The following PDC variants were observed in gnomAD, a reference collection of about 807,000 sequenced individuals.
The protein encoded by PDC is phosducin.
Under a neutral mutation model 22.2 loss-of-function variants are expected in PDC, and 19 were observed. The ratio of observed to expected loss-of-function variants is 0.86; its 90% confidence interval spans 0.60 to 1.26. PDC has a LOEUF of 1.26. Among genes scored for constraint, PDC ranks in the 50% most tolerant of loss-of-function variants. The probability of loss-of-function intolerance (pLI) is 0.00; values close to 1 mark genes in which losing one functional copy is unlikely to be tolerated. For missense variants in PDC, 274 were observed against 286.8 expected (o/e 0.96, Z 0.32); for synonymous variants, 97 against 96.2 (o/e 1.01, Z -0.05).
chr1:186,450,511 A>T (rs191743391), intron 1 of PDC, among the ~76,000 whole-genome samples: 1 of 151,798 alleles, frequency 6.6e-6, no homozygotes, highest in Admixed American at 6.6e-5. Flanking sequence ...CGCCCTGCTA[A>T]TGTTTTTTTT....
At chr1:186,457,456 T>C (rs978140824) in intron 1 of PDC, among the ~76,000 whole-genome samples, 9 of 152,232 alleles carry the variant, frequency 5.9e-5, no homozygotes, top group East Asian at 3.8e-4. Context: ...TTAATTTGAA[T>C]GTAGCATACT....
intron 1 of PDC, among the ~76,000 whole-genome samples, chr1:186,453,092 T>G (rs1043427707): frequency 1.3e-5 from 2 of 152,168 alleles, no homozygotes; most frequent in African/African-American, 4.8e-5. Flanking sequence ...TAAAATAGAA[T>G]TTTACCAAGT....
chr1:186,448,391 G>C (rs1439299146), intron 2 of PDC, among the ~76,000 whole-genome samples: 2 of 151,800 alleles, frequency 1.3e-5, no homozygotes, highest in South Asian at 2.1e-4. Flanking sequence ...GTTCTATTTG[G>C]TAATTAGTTT....
At chr1:186,460,008 TTC>T (rs745866673) in intron 1 of PDC, among the ~76,000 whole-genome samples, 2 of 151,770 alleles carry the variant, frequency 1.3e-5, no homozygotes, top group Admixed American at 1.3e-4. Flanking sequence ...AAAACATTAT[TTC>T]TGTTTCATTA....
At chr1:186,455,547 A>G (rs1418913611) in intron 1 of PDC, among the ~76,000 whole-genome samples, 2 of 152,050 alleles carry the variant, frequency 1.3e-5, no homozygotes, top group Admixed American at 6.5e-5. Flanking sequence ...ACCCTTTAAA[A>G]TTGCAGTTAG....
intron 1 of PDC, among the ~76,000 whole-genome samples, chr1:186,453,997 T>A (rs1432832929): frequency 4.6e-5 from 7 of 152,082 alleles, no homozygotes; most frequent in Non-Finnish European, 4.4e-5. Context: ...CGACCTAATT[T>A]TTTTGTATAT....
intron 1 of PDC, chr1:186,451,269 G>C (rs982922065): frequency 1.9e-4 from 29 of 152,130 alleles, no homozygotes; most frequent in Non-Finnish European, 3.4e-4. Flanking sequence ...ATTTCACAAT[G>C]TTTAGGTAAG....
chr1:186,447,114 G>A (rs1662248758), intron 2 of PDC, among the ~76,000 whole-genome samples: 1 of 151,850 alleles, frequency 6.6e-6, no homozygotes, highest in Non-Finnish European at 1.5e-5. Flanking sequence ...TAAGATTCTA[G>A]GCATATTTTG....
chr1:186,454,298 C>T (rs371425596), intron 1 of PDC, among the ~76,000 whole-genome samples: 15 of 151,518 alleles, frequency 9.9e-5, no homozygotes, highest in East Asian at 7.8e-4. Context: ...CCTGCCTCAG[C>T]CTCCCAAGTA....
chr1:186,458,226 CTTTTTTTT>C (rs1157926478), intron 1 of PDC, among the ~76,000 whole-genome samples: 92 of 88,406 alleles, frequency 1.0e-3, no homozygotes, highest in African/African-American at 4.1e-3. Context: ...TACAGATATT[CTTTTTTTT>C]TTTTTTTTTT....
At chr1:186,449,669 A>G (rs1418924860) in intron 1 of PDC, among the ~76,000 whole-genome samples, 186 bp from the exon 2 acceptor site, 1 of 152,190 alleles carries the variant, frequency 6.6e-6, no homozygotes, top group Non-Finnish European at 1.5e-5. Flanking sequence ...TCTGTCCGCA[A>G]TGTAAAAGGA....
At chr1:186,458,363 T>C (rs998709190) in intron 1 of PDC, among the ~76,000 whole-genome samples, 7 of 149,742 alleles carry the variant, frequency 4.7e-5, no homozygotes, top group Non-Finnish European at 7.4e-5. Flanking sequence ...AGAGAAAAAG[T>C]CTTGGTCATG....
At position 186,448,456 on chromosome 1, in the gene PDC, C is replaced by G. The variant is rs553322721; in HGVS notation, c.61+943G>C. On this transcript the variant is annotated intron_variant, in intron 2 of 3. Coordinates refer to ENST00000391997, the MANE Select transcript of PDC (RefSeq NM_002597.5). ...ATATATATTAGGAAACTGACACTGT[C>G]AACTGAGTTGCAAATGTTTTTCCCC... Among the ~76,000 whole-genome samples, 4 of 152,240 alleles carry G rather than the reference C, an allele frequency of 2.6e-5. No individual in the cohort carries two copies. The East Asian group carries it at 7.7e-4, about 29-fold the overall frequency.
intron 1 of PDC, among the ~76,000 whole-genome samples, chr1:186,455,732 C>T (rs565881065): frequency 8.7e-4 from 121 of 139,146 alleles, no homozygotes; most frequent in African/African-American, 3.2e-3. Flanking sequence ...GAGGCCGAGG[C>T]GGGCGGATCA....
chr1:186,459,951 T>C (rs554999724), intron 1 of PDC, among the ~76,000 whole-genome samples: 1 of 151,272 alleles, frequency 6.6e-6, no homozygotes, highest in South Asian at 2.1e-4. Flanking sequence ...AAGAAAATTT[T>C]CACTGAATTT....
Position 186,443,884 on chromosome 1 carries a change from G to T in PDC, c.*95C>A. Reference sequence around the variant, plus strand: ...ATTTTTGTCAAGTTAGCATAGCCGTGCCCATACTCTGTGTTCACTAAAGCA... The same window carrying T: ...ATTTTTGTCAAGTTAGCATAGCCGTTCCCATACTCTGTGTTCACTAAAGCA... On this transcript the variant is annotated 3_prime_UTR_variant, in exon 4 of 4. Transcript: ENST00000391997. 1.2e-6 allele frequency: 1 copy of T among 853,508 alleles called. No homozygotes were observed. Among genetic ancestry groups the T allele is most frequent in the Non-Finnish European group, 1.9e-6 (1 of 531,360 alleles). The allele number at this position is 853,508 out of a possible 1,614,324, so 52.9% of individuals were successfully genotyped here.
At chr1:186,454,168 CTTTTTTTTTT>C (rs397860509) in intron 1 of PDC, among the ~76,000 whole-genome samples, 1 of 94,230 alleles carries the variant, frequency 1.1e-5, no homozygotes, top group African/African-American at 4.4e-5. Flanking sequence ...TCTTTTCTTT[CTTTTTTTTTT>C]TTTTTTTTTT....
intron 1 of PDC, among the ~76,000 whole-genome samples, chr1:186,455,029 T>C (rs1431128057): frequency 6.6e-6 from 1 of 152,228 alleles, no homozygotes; most frequent in East Asian, 1.9e-4. Context: ...TCAGAAGTCA[T>C]AAATAAACAC....
chr1:186,450,715 C>T (rs562805771), intron 1 of PDC, among the ~76,000 whole-genome samples: 6 of 152,052 alleles, frequency 3.9e-5, no homozygotes, highest in African/African-American at 1.2e-4. Flanking sequence ...CCTTGGTGCC[C>T]GCATGTAGAA....
Sources: allele counts gnomAD v4.1 joint callset (sites outside exome capture counted in the v4.1 genomes callset), GRCh38; gene constraint gnomAD v4.1.1; transcripts MANE v1.5; gene names NCBI Gene and HGNC (gene_info 2026-07-23, HGNC 2026-07-21).